ABTB2: variants seen among roughly 807,000 people sequenced by gnomAD.
The protein encoded by ABTB2 is ankyrin repeat and BTB/POZ domain-containing protein 2.
A neutral mutation model predicts 104.1 loss-of-function variants in ABTB2; 56 were observed. The observed-to-expected ratio is 0.54, with a 90% CI of 0.43 to 0.67. The LOEUF (loss-of-function observed/expected upper bound fraction) is 0.67. Ranked by LOEUF, ABTB2 falls within the 30% of genes least tolerant of loss-of-function variation. The pLI is 0.00. For synonymous variants in ABTB2, 606 were observed against 608.2 expected (o/e 1.00, Z 0.05); for missense variants, 1,279 against 1,407.7 (o/e 0.91, Z 1.46).
rs920038697 is a variant in ABTB2, at chr11:34,240,455, A to G, written c.884-35765T>C. ...TTCAGTGCTGCCCTGCTGCCTGACA[A>G]GGATCCCACCTGTCAGCACTGGGAA... On this transcript the variant is annotated intron_variant, in intron 1 of 16. Coordinates refer to ENST00000435224, the MANE Select transcript of ABTB2 (RefSeq NM_145804.3). Among the ~76,000 whole-genome samples the G allele has an allele frequency of 8.5e-5, 13 of 152,318 alleles. No homozygotes were observed. The East Asian group carries it at 2.1e-3, about 25-fold the overall frequency.
chr11:34,345,243 A>G (rs575510059), intron 1 of ABTB2, among the ~76,000 whole-genome samples: 1 of 152,186 alleles, frequency 6.6e-6, no homozygotes, highest in Non-Finnish European at 1.5e-5. Flanking sequence ...GCCGCACGGA[A>G]GGAGCTTCTC....
At chr11:34,238,003 T>TA (rs1369182733) in intron 1 of ABTB2, among the ~76,000 whole-genome samples, 1 of 152,256 alleles carries the variant, frequency 6.6e-6, no homozygotes, top group Non-Finnish European at 1.5e-5. Flanking sequence ...TTATTCATTG[T>TA]ATGCATGTAT....
At chr11:34,233,293 C>T in intron 1 of ABTB2, among the ~76,000 whole-genome samples, 1 of 150,994 alleles carries the variant, frequency 6.6e-6, no homozygotes, top group East Asian at 1.9e-4. Flanking sequence ...GCTCTATTAC[C>T]CAGGCAGAAG....
chr11:34,256,146 GT>G (rs59839313), intron 1 of ABTB2, among the ~76,000 whole-genome samples: 44,811 of 146,186 alleles, frequency 0.31, 7,142 homozygotes, highest in African/African-American at 0.4. Context: ...ACTGCCGTCG[GT>G]TTTATCATCT....
At position 34,151,662 on chromosome 11, in the gene ABTB2, A is replaced by T. The variant is rs1401816670; in HGVS notation, c.*725T>A. ...CCCCTACCCCTTGCCCCTCCATGCC[A>T]GACTTAGCTCAGAAACCATCAAGCT... On this transcript the variant is annotated 3_prime_UTR_variant, in exon 17 of 17. Coordinates refer to ENST00000435224, the MANE Select transcript of ABTB2 (RefSeq NM_145804.3). 2.0e-5 allele frequency: 3 copies of T among 152,270 alleles called. No individual in the cohort carries two copies. Among genetic ancestry groups the T allele is most frequent in the African/African-American group, 7.2e-5 (3 of 41,436 alleles). The allele number at this position is 152,270 out of a possible 1,614,324, so 9.4% of individuals were successfully genotyped here. A position where few individuals can be genotyped will look rare whatever the true frequency, so the allele number is the denominator to read the frequency against.
At chr11:34,254,625 A>G (rs1854098407) in intron 1 of ABTB2, among the ~76,000 whole-genome samples, 1 of 150,410 alleles carries the variant, frequency 6.6e-6, no homozygotes, top group African/African-American at 2.4e-5. Flanking sequence ...CACTAGCCAC[A>G]TGTGGTTTTT....
At chr11:34,215,916 T>G (rs1422199520) in intron 1 of ABTB2, among the ~76,000 whole-genome samples, 1 of 152,206 alleles carries the variant, frequency 6.6e-6, no homozygotes, top group Non-Finnish European at 1.5e-5. Context: ...GATTCTGTTA[T>G]TTTCTTAAAG....
In ABTB2 at chr11:34,357,635, T is replaced by C; in HGVS notation, c.-52A>G. On this transcript the variant is annotated 5_prime_UTR_variant, in exon 1 of 17. It removes an upstream start codon present in the reference 5' UTR. Coordinates refer to ENST00000435224, the MANE Select transcript of ABTB2 (RefSeq NM_145804.3). ...CGAGCGAGGGGCACTCACAACTCCA[T>C]GCCCTCTTTCCCAAGTGGGCAGAAA... The C allele has an allele frequency of 6.9e-7, 1 of 1,449,104 alleles. No homozygotes were observed. The highest frequency in any genetic ancestry group is 9.1e-7 in the Non-Finnish European group (1 of 1,098,926). 89.8% of individuals were successfully genotyped at this position (1,449,104 alleles called of 1,614,324 possible). A position where few individuals can be genotyped will look rare whatever the true frequency, so the allele number is the denominator to read the frequency against.
intron 1 of ABTB2, among the ~76,000 whole-genome samples, chr11:34,253,559 C>T (rs1411438044): frequency 6.6e-6 from 1 of 151,952 alleles, no homozygotes; most frequent in Non-Finnish European, 1.5e-5. Flanking sequence ...TCTTGTAATC[C>T]CAGCTACTCG....
At position 34,234,533 on chromosome 11, in the gene ABTB2, A is replaced by C. The variant is rs1310166729; in HGVS notation, c.884-29843T>G. Among the ~76,000 whole-genome samples the C allele has an allele frequency of 3.3e-5, 5 of 152,224 alleles. No homozygotes were observed. In the East Asian group the frequency reaches 9.6e-4, roughly 29 times the overall value. On this transcript the variant is annotated intron_variant, in intron 1 of 16. Transcript: ENST00000435224. ...GGCACCAGGGCTGGTTCCACTGCTCAGAGGAGAAATGCAATTCTCTCCTGT... is the reference window on the plus strand; with the variant it reads ...GGCACCAGGGCTGGTTCCACTGCTCCGAGGAGAAATGCAATTCTCTCCTGT...
intron 1 of ABTB2, among the ~76,000 whole-genome samples, chr11:34,205,547 G>A (rs1853398757): frequency 6.6e-6 from 1 of 151,964 alleles, no homozygotes; most frequent in Admixed American, 6.5e-5. Context: ...CCAACTTTTG[G>A]TAACCACTGT....
At chr11:34,352,776 C>A (rs1213345649) in intron 1 of ABTB2, among the ~76,000 whole-genome samples, 4 of 152,200 alleles carry the variant, frequency 2.6e-5, no homozygotes, top group Non-Finnish European at 5.9e-5. Context: ...TTGTGTATGG[C>A]CAGGCATGAT....
At chr11:34,281,118 A>G (rs976640418) in intron 1 of ABTB2, among the ~76,000 whole-genome samples, 2 of 152,042 alleles carry the variant, frequency 1.3e-5, no homozygotes, top group Admixed American at 1.3e-4. Flanking sequence ...CACCCAAACC[A>G]CTGTCTCAGC....
intron 1 of ABTB2, among the ~76,000 whole-genome samples, chr11:34,337,337 A>G (rs2133120860): frequency 6.6e-6 from 1 of 152,344 alleles, no homozygotes; most frequent in South Asian, 2.1e-4. Context: ...GGACGGGCAC[A>G]GCTGACTGGC....
intron 5 of ABTB2, among the ~76,000 whole-genome samples, chr11:34,170,313 T>C (rs764068903): frequency 6.6e-6 from 1 of 152,200 alleles, no homozygotes; most frequent in Admixed American, 6.5e-5. Flanking sequence ...GCATCGAACA[T>C]AGTAAATGCT....
chr11:34,264,648 T>C (rs1010887289), intron 1 of ABTB2, among the ~76,000 whole-genome samples: 2 of 152,202 alleles, frequency 1.3e-5, no homozygotes, highest in African/African-American at 4.8e-5. Flanking sequence ...GCCAATATAA[T>C]AGTCAACTAC....
At chr11:34,159,188 C>T in intron 14 of ABTB2, 108 bp downstream of exon 14, 1 of 785,212 alleles carries the variant, frequency 1.3e-6, no homozygotes, top group Non-Finnish European at 2.1e-6. Flanking sequence ...ATACAGAAGG[C>T]ACTGGGAATA....
chr11:34,294,900 G>C (rs529070218), intron 1 of ABTB2, among the ~76,000 whole-genome samples: 2 of 151,828 alleles, frequency 1.3e-5, no homozygotes, highest in South Asian at 4.2e-4. Flanking sequence ...ATTTTTAGTA[G>C]AGACAGGGTT....
intron 1 of ABTB2, among the ~76,000 whole-genome samples, chr11:34,327,315 T>C (rs908278007): frequency 1.3e-5 from 2 of 152,172 alleles, no homozygotes; most frequent in African/African-American, 4.8e-5. Flanking sequence ...AAGAGGGACA[T>C]TGCAATCCTA....
Sources: allele counts gnomAD v4.1 joint callset (sites outside exome capture counted in the v4.1 genomes callset), GRCh38; gene constraint gnomAD v4.1.1; transcripts MANE v1.5; gene names NCBI Gene and HGNC (gene_info 2026-07-23, HGNC 2026-07-21).